The following MROH2B variants were observed in gnomAD, a reference collection of about 807,000 sequenced individuals.
MROH2B encodes the protein maestro heat like repeat family member 2B, also known as maestro heat-like repeat-containing protein family member 2B.
A neutral mutation model predicts 208.6 loss-of-function variants in MROH2B; 177 were observed. The ratio of observed to expected loss-of-function variants is 0.85; its 90% CI spans 0.75 to 0.96. The LOEUF is 0.96. Ranked by LOEUF, MROH2B falls within the 40% of genes least tolerant of loss-of-function variation. The probability of loss-of-function intolerance (pLI) is 0.00; values close to 1 mark genes in which losing one functional copy is unlikely to be tolerated. For missense variants in MROH2B, 2,002 were observed against 1,878.7 expected, an observed-to-expected ratio of 1.07 and a Z score of -1.21; for synonymous variants, 728 against 659.0, an observed-to-expected ratio of 1.10 and a Z score of -1.60.
At chr5:41,054,870 C>T (rs746839029) in intron 10 of MROH2B, 30 bp from the exon 11 acceptor site, 1 of 1,485,558 alleles carries the variant, frequency 6.7e-7, no homozygotes, top group South Asian at 1.2e-5. Flanking sequence ...ATTGAGAGGC[C>T]TGACTCAATA....
At chr5:41,006,859 A>T (rs757397204) in intron 34 of MROH2B, among the ~76,000 whole-genome samples, 14 of 152,162 alleles carry the variant, frequency 9.2e-5, no homozygotes, top group African/African-American at 1.2e-4. Context: ...GAGGTGAGGG[A>T]TAAGCCTACA....
chr5:40,998,268 G>T, intron 41 of MROH2B, 110 bp from the exon 42 acceptor site: 1 of 760,230 alleles, frequency 1.3e-6, no homozygotes, highest in East Asian at 2.5e-5. Context: ...GACCCAAGTG[G>T]GGCTCAGGTC....
intron 5 of MROH2B, among the ~76,000 whole-genome samples, chr5:41,062,195 G>T (rs1255914252): frequency 2.6e-5 from 4 of 152,158 alleles, no homozygotes; most frequent in African/African-American, 9.7e-5. Context: ...GCCCCAAACA[G>T]AATATAGCAT....
chr5:41,028,368 A>T (rs537817894), intron 24 of MROH2B, among the ~76,000 whole-genome samples: 1 of 152,326 alleles, frequency 6.6e-6, no homozygotes, highest in East Asian at 1.9e-4. Flanking sequence ...CACTATTATT[A>T]AATATACTCC....
At chr5:41,027,675 A>T (rs1306900320) in intron 24 of MROH2B, among the ~76,000 whole-genome samples, 2 of 152,216 alleles carry the variant, frequency 1.3e-5, no homozygotes. Context: ...TGACCCAGCA[A>T]TCCCATTACT....
intron 24 of MROH2B, among the ~76,000 whole-genome samples, chr5:41,030,813 T>C (rs539983676): frequency 6.5e-4 from 99 of 152,234 alleles, no homozygotes; most frequent in African/African-American, 2.3e-3. Context: ...TATAGCCAAG[T>C]AGTTTTAGCC....
chr5:41,027,298 G>A (rs967224314), intron 24 of MROH2B, among the ~76,000 whole-genome samples: 8 of 152,240 alleles, frequency 5.3e-5, no homozygotes, highest in Admixed American at 1.3e-4. Flanking sequence ...ATCTGACAAA[G>A]GGCTAATATC....
intron 22 of MROH2B, 87 bp downstream of exon 22, chr5:41,033,751 C>T (rs1742652677): frequency 9.4e-7 from 1 of 1,059,780 alleles, no homozygotes. Context: ...ATCAAAAGGA[C>T]ATCTTTGCTT....
intron 35 of MROH2B, 106 bp downstream of exon 35, chr5:41,005,425 C>CGCTCCT (rs58129703): frequency 4.6e-5 from 10 of 216,680 alleles, no homozygotes; most frequent in Non-Finnish European, 6.5e-5. Context: ...CCCCCCCCCC[C>CGCTCCT]TTGAAGTCTC....
chr5:41,018,085 AT>A, intron 27 of MROH2B, 115 bp from the exon 28 acceptor site: 2 of 1,377,780 alleles, frequency 1.5e-6, no homozygotes, highest in Non-Finnish European at 1.9e-6. Flanking sequence ...TTAGAATGAA[AT>A]TTGATCTTGC....
chr5:41,005,425 C>CCCCCTTTGAAGTCTCTCTTCCCTCCT (rs58129703), intron 35 of MROH2B, 106 bp downstream of exon 35: 1 of 213,956 alleles, frequency 4.7e-6, no homozygotes, highest in Non-Finnish European at 9.4e-6. Context: ...CCCCCCCCCC[C>CCCCCTTTGAAGTCTCTCTTCCCTCCT]TTGAAGTCTC....
chr5:41,019,021 G>A lies in MROH2B; in HGVS notation c.2442-3C>T. The A allele has an allele frequency of 6.2e-6, 10 of 1,613,788 alleles. No individual in the cohort carries two copies. The highest frequency in any genetic ancestry group is 8.5e-6 in the Non-Finnish European group (10 of 1,179,844). On this transcript the variant is annotated splice_polypyrimidine_tract_variant and splice_region_variant and intron_variant, in intron 24 of 41. Transcript: ENST00000399564. ...GTGAGAGCTGAGGTTTCAGTTTACTGAAATGAGAACCAGGTGGAGGAATGG... is the reference window on the plus strand; with the variant it reads ...GTGAGAGCTGAGGTTTCAGTTTACTAAAATGAGAACCAGGTGGAGGAATGG...
intron 19 of MROH2B, among the ~76,000 whole-genome samples, chr5:41,039,821 G>A (rs1195286250): frequency 1.3e-5 from 2 of 152,166 alleles, no homozygotes; most frequent in Non-Finnish European, 2.9e-5. Flanking sequence ...ATGAAGATAA[G>A]TAAAGCAGGA....
rs545656020 is a variant in MROH2B, at chr5:41,030,879, T to C, written c.2441+1863A>G. Among the ~76,000 whole-genome samples, 59 of 152,262 alleles carry C rather than the reference T, an allele frequency of 3.9e-4. No individual in the cohort carries two copies. The South Asian group carries it at 0.012, about 30-fold the overall frequency. ...CTGTACACTTAAAAATGGCTGATTA[T>C]AAATTTTATGTTTTATTTATTTTGC... On this transcript the variant is annotated intron_variant, in intron 24 of 41. Transcript: ENST00000399564.
chr5:41,000,153 G>A (rs1741340293), intron 39 of MROH2B, 67 bp downstream of exon 39: 2 of 1,579,690 alleles, frequency 1.3e-6, no homozygotes, highest in Admixed American at 3.7e-5. Flanking sequence ...TACATTGTTT[G>A]CCCTTCTGCG....
chr5:41,048,363 A>G lies in MROH2B; in HGVS notation c.1645T>C (p.Trp549Arg), dbSNP rs767893607. The G allele has an allele frequency of 6.2e-7, 1 of 1,613,652 alleles. No individual in the cohort carries two copies. Among genetic ancestry groups the G allele is most frequent in the Non-Finnish European group, 8.5e-7 (1 of 1,179,676 alleles). ...EIIHPKLVDLWKTRLPELLQP... is the reference protein window; with the variant it reads ...EIIHPKLVDLRKTRLPELLQP... Reference sequence around the variant, plus strand: ...AGAAGCTCAGGTAAACGTGTTTTCCATAGGTCTACCAATTTTGGGTGAATT... The same window carrying G: ...AGAAGCTCAGGTAAACGTGTTTTCCGTAGGTCTACCAATTTTGGGTGAATT... The change falls in exon 16 of 42, where the codon TGG (tryptophan) becomes CGG (arginine). Residue 549 changes from tryptophan (W) to arginine (R), a missense_variant. Coordinates refer to ENST00000399564, the MANE Select transcript of MROH2B (RefSeq NM_173489.5).
chr5:41,009,377 G>T lies in MROH2B; in HGVS notation c.3323C>A (p.Ala1108Asp), dbSNP rs758914803. The change falls in exon 32 of 42, where the codon GCT becomes GAT. Residue 1108 changes from alanine to aspartate, a missense_variant. Coordinates refer to ENST00000399564, the MANE Select transcript of MROH2B (RefSeq NM_173489.5). ...TTTCCCACTGGAGGCTGGCTTTTCAGCCAGCGCCTTCCACAATGTCTTTGT... is the reference window on the plus strand; with the variant it reads ...TTTCCCACTGGAGGCTGGCTTTTCATCCAGCGCCTTCCACAATGTCTTTGT... ...RDTKTLWKAL[A>D]EKPASSGKLL... The T allele has an allele frequency of 1.9e-6, 3 of 1,613,872 alleles. No individual in the cohort carries two copies. Among genetic ancestry groups the T allele is most frequent in the Non-Finnish European group, 2.5e-6 (3 of 1,179,802 alleles).
intron 29 of MROH2B, among the ~76,000 whole-genome samples, chr5:41,015,133 C>T (rs1169475211): frequency 6.6e-6 from 1 of 152,194 alleles, no homozygotes; most frequent in Non-Finnish European, 1.5e-5. Context: ...GCTCTTGTTC[C>T]TTCCACTCCA....
intron 30 of MROH2B, 126 bp from the exon 31 acceptor site, chr5:41,010,205 A>G (rs1741731667): frequency 2.3e-6 from 2 of 860,592 alleles, no homozygotes; most frequent in Non-Finnish European, 3.4e-6. Flanking sequence ...ATAATAATTG[A>G]TTTCACATGT....
Sources: gnomAD v4.1 joint callset for allele counts (sites outside exome capture counted in the v4.1 genomes callset) on GRCh38, gnomAD v4.1.1 for gene constraint, MANE v1.5 for transcripts, NCBI Gene and HGNC (gene_info 2026-07-23, HGNC 2026-07-21) for gene names.